The following MAP4K3 variants were observed in gnomAD, a reference collection of about 807,000 sequenced individuals.
MAP4K3 encodes the protein mitogen-activated protein kinase kinase kinase kinase 3.
MAP4K3 carries 94 observed loss-of-function variants against 143.5 expected under a neutral mutation model. The observed-to-expected ratio is 0.65, with a 90% CI of 0.55 to 0.78. The LOEUF (loss-of-function observed/expected upper bound fraction) is 0.78, where lower values mean the gene tolerates loss of function less well. Ranked by LOEUF, MAP4K3 falls within the 30% of genes least tolerant of loss-of-function variation. The pLI is 0.00. For synonymous variants in MAP4K3, 416 were observed against 347.2 expected (o/e 1.20, Z -2.20); for missense variants, 1,077 against 1,068.1 (o/e 1.01, Z -0.12).
At chr2:39,298,566 T>G (rs1301845532) in intron 16 of MAP4K3, among the ~76,000 whole-genome samples, 1 of 152,214 alleles carries the variant, frequency 6.6e-6, no homozygotes, top group Non-Finnish European at 1.5e-5. Context: ...TTTGCATTAT[T>G]ACCCTTAAAA....
intron 1 of MAP4K3, among the ~76,000 whole-genome samples, chr2:39,404,856 G>A (rs546468264): frequency 6.6e-6 from 1 of 152,110 alleles, no homozygotes; most frequent in South Asian, 2.1e-4. Context: ...CCCAACCTCA[G>A]GGGATCCGCC....
rs1489710852 is a variant in MAP4K3, at chr2:39,312,914, C to T, written c.997+2396G>A. ...GTGTTATTGCCACCTGTGAACATGC[C>T]CATTTCTCCCACCAGATTGTACAAC... On this transcript the variant is annotated intron_variant, in intron 13 of 33. Transcript: ENST00000263881. Among the ~76,000 whole-genome samples, 5 of 152,282 alleles carry T rather than the reference C, an allele frequency of 3.3e-5. No homozygotes were observed. The East Asian group carries it at 9.7e-4, about 29-fold the overall frequency.
At chr2:39,431,450 C>T (rs72931142) in intron 1 of MAP4K3, among the ~76,000 whole-genome samples, 3,631 of 152,198 alleles carry the variant, frequency 0.024, 148 homozygotes, top group African/African-American at 0.084. Flanking sequence ...TAATGAGGGT[C>T]CCCAAAACTG....
intron 20 of MAP4K3, among the ~76,000 whole-genome samples, 165 bp from the exon 21 acceptor site, chr2:39,287,129 A>G (rs1444793424): frequency 6.6e-6 from 1 of 152,230 alleles, no homozygotes; most frequent in Non-Finnish European, 1.5e-5. Flanking sequence ...TCATTTATAT[A>G]TATGTTCTTC....
intron 1 of MAP4K3, among the ~76,000 whole-genome samples, chr2:39,393,551 G>A (rs974371520): frequency 6.6e-6 from 1 of 151,906 alleles, no homozygotes; most frequent in East Asian, 1.9e-4. Context: ...AATATTTTTT[G>A]CGCAGGGCCC....
intron 1 of MAP4K3, among the ~76,000 whole-genome samples, chr2:39,397,455 C>T (rs891718165): frequency 6.6e-6 from 1 of 152,010 alleles, no homozygotes; most frequent in Non-Finnish European, 1.5e-5. Flanking sequence ...ACTTCAAAAA[C>T]CTTTAAAGAA....
chr2:39,326,053 G>A (rs1683480281), intron 9 of MAP4K3, 92 bp from the exon 10 acceptor site: 3 of 1,524,482 alleles, frequency 2.0e-6, no homozygotes, highest in Non-Finnish European at 2.7e-6. Flanking sequence ...CCCAAATAAG[G>A]TAAAACAAGA....
intron 2 of MAP4K3, among the ~76,000 whole-genome samples, chr2:39,365,430 AT>A (rs151026787): frequency 0.025 from 2,177 of 87,902 alleles, 10 homozygotes; most frequent in African/African-American, 0.04. Flanking sequence ...CGCCATAGTA[AT>A]TTTTTTTTTT....
At chr2:39,267,133 T>C in intron 27 of MAP4K3, 56 bp downstream of exon 27, 1 of 1,533,630 alleles carries the variant, frequency 6.5e-7, no homozygotes, top group Non-Finnish European at 9.0e-7. Flanking sequence ...TACTGTTTTA[T>C]GCCAGATTTT....
chr2:39,417,215 C>CTTTTTTT (rs1243263619), intron 1 of MAP4K3, among the ~76,000 whole-genome samples: 4 of 133,806 alleles, frequency 3.0e-5, no homozygotes, highest in African/African-American at 8.2e-5. Flanking sequence ...GGTTTCTTTT[C>CTTTTTTT]TTTTTTTTTT....
At chr2:39,267,072 TC>T (rs1316506315) in intron 27 of MAP4K3, 116 bp downstream of exon 27, 2 of 918,274 alleles carry the variant, frequency 2.2e-6, no homozygotes, top group African/African-American at 3.3e-5. Context: ...AGAAATTTGT[TC>T]TACTTAAGCA....
At chr2:39,321,700 C>T (rs1003516508) in intron 12 of MAP4K3, among the ~76,000 whole-genome samples, 4 of 152,206 alleles carry the variant, frequency 2.6e-5, no homozygotes, top group African/African-American at 9.6e-5. Flanking sequence ...GTATAAAACC[C>T]GATTGTACAT....
At position 39,258,447 on chromosome 2, in the gene MAP4K3, GA is replaced by G; in HGVS notation, c.2378-8del. The G allele has an allele frequency of 6.2e-7, 1 of 1,604,180 alleles. No homozygotes were observed. The highest frequency in any genetic ancestry group is 8.5e-7 in the Non-Finnish European group (1 of 1,172,440). On this transcript the variant is annotated splice_region_variant and splice_polypyrimidine_tract_variant and intron_variant, in intron 30 of 33. Coordinates refer to ENST00000263881, the MANE Select transcript of MAP4K3 (RefSeq NM_003618.4). Reference sequence around the variant, plus strand: ...TTTACTATTTTTATACAACCTAGAGGAAAAAAAGTCACTCAGAAACTAAGAT... The same window carrying G: ...TTTACTATTTTTATACAACCTAGAGGAAAAAAGTCACTCAGAAACTAAGAT...
At chr2:39,297,307 G>A (rs1388613709) in intron 16 of MAP4K3, among the ~76,000 whole-genome samples, 3 of 151,878 alleles carry the variant, frequency 2.0e-5, no homozygotes, top group Admixed American at 1.3e-4. Flanking sequence ...TAATAGAGAC[G>A]GGGTTTCACC....
rs543970306 is a variant in MAP4K3 at position 39,344,164 on chromosome 2, T to A, written c.246-712A>T. Among the ~76,000 whole-genome samples, 13 of 152,320 alleles carry A rather than the reference T, an allele frequency of 8.5e-5. No homozygotes were observed. In the East Asian group the frequency reaches 2.5e-3, roughly 29 times the overall value. On this transcript the variant is annotated intron_variant, in intron 3 of 33. Coordinates refer to ENST00000263881, the MANE Select transcript of MAP4K3 (RefSeq NM_003618.4). The stretch of plus-strand genomic sequence containing the variant: ...AATATATGTCTGTCTCTCTCACCAC[T>A]GCCTTCTTAGTGTCTAGAAGAATAT...
intron 18 of MAP4K3, 134 bp downstream of exon 18, chr2:39,292,639 G>C (rs1017638598): frequency 2.0e-5 from 15 of 749,848 alleles, no homozygotes; most frequent in South Asian, 1.5e-4. Context: ...ATAGAAAAAA[G>C]GAAGGAAACT....
At chr2:39,336,470 T>C (rs1328175741) in intron 6 of MAP4K3, among the ~76,000 whole-genome samples, 1 of 27,710 alleles carries the variant, frequency 3.6e-5, no homozygotes, top group Non-Finnish European at 5.4e-5. Flanking sequence ...AGACTCCATC[T>C]CAAAAAAAAA....
chr2:39,419,573 GAA>G (rs990569369), intron 1 of MAP4K3, among the ~76,000 whole-genome samples: 3 of 151,952 alleles, frequency 2.0e-5, no homozygotes, highest in Non-Finnish European at 2.9e-5. Context: ...GTTTTTGAAA[GAA>G]AAAAAGTTTG....
At chr2:39,273,614 T>C (rs975469959) in intron 24 of MAP4K3, among the ~76,000 whole-genome samples, 2 of 152,160 alleles carry the variant, frequency 1.3e-5, no homozygotes, top group South Asian at 4.2e-4. Flanking sequence ...TGGGACTGAA[T>C]AACTAAAAGA....
Sources: allele counts gnomAD v4.1 joint callset (sites outside exome capture counted in the v4.1 genomes callset), GRCh38; gene constraint gnomAD v4.1.1; transcripts MANE v1.5; gene names NCBI Gene and HGNC (gene_info 2026-07-23, HGNC 2026-07-21).